The following EGFLAM variants were observed in gnomAD, a reference collection of about 807,000 sequenced individuals.
EGFLAM encodes EGF like, fibronectin type III and laminin G domains.
In EGFLAM, 79 loss-of-function variants were observed where a neutral mutation model predicts 113.1. The ratio of observed to expected loss-of-function variants is 0.70; its 90% confidence interval spans 0.58 to 0.84. EGFLAM has a LOEUF of 0.84. Ranked by LOEUF, EGFLAM falls within the 40% of genes least tolerant of loss-of-function variation. EGFLAM has a pLI of 0.00. For missense variants in EGFLAM, 1,265 were observed against 1,291.6 expected (o/e 0.98, Z 0.32); for synonymous variants, 504 against 487.6 (o/e 1.03, Z -0.44).
intron 1 of EGFLAM, among the ~76,000 whole-genome samples, chr5:38,306,599 A>G (rs886130321): frequency 2.6e-5 from 4 of 152,224 alleles, no homozygotes; most frequent in South Asian, 2.1e-4. Context: ...TTGTATTTAT[A>G]TATACATTGT....
intron 1 of EGFLAM, among the ~76,000 whole-genome samples, chr5:38,285,012 T>C (rs1391561830): frequency 6.6e-6 from 1 of 152,246 alleles, no homozygotes; most frequent in Non-Finnish European, 1.5e-5. Context: ...CAAGAGCAAC[T>C]ATTTTCATAT....
At chr5:38,289,107 C>G (rs540211586) in intron 1 of EGFLAM, among the ~76,000 whole-genome samples, 3 of 152,254 alleles carry the variant, frequency 2.0e-5, no homozygotes, top group African/African-American at 7.2e-5. Flanking sequence ...GGTCTCATAG[C>G]AAACCAGCCT....
At chr5:38,294,252 C>T (rs1457598640) in intron 1 of EGFLAM, among the ~76,000 whole-genome samples, 1 of 152,142 alleles carries the variant, frequency 6.6e-6, no homozygotes, top group Non-Finnish European at 1.5e-5. Context: ...ATGACAGAGG[C>T]AAAAGAGGGA....
At chr5:38,340,101 C>A (rs1384963539) in intron 3 of EGFLAM, among the ~76,000 whole-genome samples, 5 of 152,124 alleles carry the variant, frequency 3.3e-5, no homozygotes, top group Non-Finnish European at 5.9e-5. Context: ...CTAGACAGTG[C>A]CTCTGAAATT....
rs1367768493 is a variant in EGFLAM, at chr5:38,420,224, C to T, written c.1684+1969C>T. ...AAATTGTTTCCCTCCACCTTGTTCA[C>T]TCCTATAGGTGATGCCATTGTTATA... On this transcript the variant is annotated intron_variant, in intron 12 of 21. Coordinates refer to ENST00000322350, the MANE Select transcript of EGFLAM (RefSeq NM_152403.4). 6.6e-5 allele frequency among the ~76,000 whole-genome samples: 10 copies of T among 152,304 alleles called. No homozygotes were observed. The South Asian group carries it at 1.2e-3, about 19-fold the overall frequency.
chr5:38,328,934 A>AT (rs1223983251), intron 1 of EGFLAM, among the ~76,000 whole-genome samples: 1 of 151,870 alleles, frequency 6.6e-6, no homozygotes, highest in African/African-American at 2.4e-5. Context: ...AGATTCCATT[A>AT]TTTTTTAAAA....
chr5:38,340,100 G>A (rs911066509), intron 3 of EGFLAM, among the ~76,000 whole-genome samples: 7 of 152,134 alleles, frequency 4.6e-5, no homozygotes, highest in African/African-American at 1.7e-4. Context: ...TCTAGACAGT[G>A]CCTCTGAAAT....
chr5:38,283,281 G>A (rs1758066223), intron 1 of EGFLAM, among the ~76,000 whole-genome samples: 1 of 152,164 alleles, frequency 6.6e-6, no homozygotes, highest in Non-Finnish European at 1.5e-5. Flanking sequence ...TACTGGAGGG[G>A]GAGGGGGGAA....
intron 6 of EGFLAM, among the ~76,000 whole-genome samples, chr5:38,394,029 C>T (rs1462547561): frequency 6.6e-6 from 1 of 152,104 alleles, no homozygotes; most frequent in Non-Finnish European, 1.5e-5. Context: ...CAGCCATCTC[C>T]GGCTAGGCCC....
At position 38,338,740 on chromosome 5, in the gene EGFLAM, C is replaced by A. The variant is rs1739257805; in HGVS notation, c.250C>A (p.Gln84Lys). ...EVGADKSLQE[Q>K]LHSVPLSRDI... The stretch of plus-strand genomic sequence containing the variant: ...TGGCGCAGATAAATCCCTGCAGGAG[C>A]AGTTGCACAGCGTGCCTCTCAGCCG... The change falls in exon 3 of 22, where the codon CAG becomes AAG. Residue 84 changes from glutamine (Q) to lysine (K), a missense_variant. Coordinates refer to ENST00000322350, the MANE Select transcript of EGFLAM (RefSeq NM_152403.4). 6.2e-7 allele frequency: 1 copy of A among 1,614,134 alleles called. No homozygotes were observed. Among genetic ancestry groups the A allele is most frequent in the South Asian group, 1.1e-5 (1 of 91,086 alleles).
intron 1 of EGFLAM, among the ~76,000 whole-genome samples, chr5:38,269,148 C>T (rs1346704564): frequency 2.6e-5 from 4 of 152,144 alleles, no homozygotes; most frequent in Non-Finnish European, 5.9e-5. Flanking sequence ...CACTGCACTC[C>T]AGCCTGGGCG....
intron 15 of EGFLAM, among the ~76,000 whole-genome samples, chr5:38,432,528 G>A (rs1579923958): frequency 6.6e-6 from 1 of 152,026 alleles, no homozygotes; most frequent in African/African-American, 2.4e-5. Context: ...AGGAGGGGAT[G>A]AATGGAAATT....
intron 12 of EGFLAM, among the ~76,000 whole-genome samples, chr5:38,423,098 G>A (rs1183899557): frequency 6.6e-6 from 1 of 152,126 alleles, no homozygotes; most frequent in East Asian, 1.9e-4. Context: ...CCTTTGCTTT[G>A]CAGAAGCCAG....
At chr5:38,276,646 T>A (rs1028374738) in intron 1 of EGFLAM, among the ~76,000 whole-genome samples, 4 of 151,408 alleles carry the variant, frequency 2.6e-5, no homozygotes, top group East Asian at 1.9e-4. Flanking sequence ...TTGGTTTTTT[T>A]AAAAAAGATA....
chr5:38,383,222 A>G (rs969439695), intron 6 of EGFLAM, among the ~76,000 whole-genome samples: 1 of 152,234 alleles, frequency 6.6e-6, no homozygotes, highest in Non-Finnish European at 1.5e-5. Flanking sequence ...ACAAAAACAG[A>G]TATTTCTTCA....
At chr5:38,397,218 G>A (rs1420825854) in intron 6 of EGFLAM, among the ~76,000 whole-genome samples, 1 of 152,172 alleles carries the variant, frequency 6.6e-6, no homozygotes, top group African/African-American at 2.4e-5. Flanking sequence ...TTCCCCACCA[G>A]TCAAACCACT....
chr5:38,338,334 G>A (rs1291355028), intron 2 of EGFLAM, among the ~76,000 whole-genome samples: 1 of 152,092 alleles, frequency 6.6e-6, no homozygotes, highest in Non-Finnish European at 1.5e-5. Flanking sequence ...GTTGATCATG[G>A]CCCTCATCCT....
At chr5:38,399,050 C>T (rs951249575) in intron 6 of EGFLAM, among the ~76,000 whole-genome samples, 8 of 152,124 alleles carry the variant, frequency 5.3e-5, no homozygotes, top group Admixed American at 1.3e-4. Context: ...GGTCAGAAGA[C>T]GTAGCTCATT....
At chr5:38,342,354 A>G (rs1048109510) in intron 3 of EGFLAM, among the ~76,000 whole-genome samples, 4 of 152,176 alleles carry the variant, frequency 2.6e-5, no homozygotes, top group Admixed American at 2.6e-4. Context: ...CCCTCCTTTT[A>G]CCTCCTCTTT....
Sources: gnomAD v4.1 joint callset for allele counts (sites outside exome capture counted in the v4.1 genomes callset) on GRCh38, gnomAD v4.1.1 for gene constraint, MANE v1.5 for transcripts, NCBI Gene and HGNC (gene_info 2026-07-23, HGNC 2026-07-21) for gene names.